Variants in SNTA1 observed in about 807,000 individuals in gnomAD.
SNTA1 encodes the protein alpha-1-syntrophin.
Under a neutral mutation model 47.1 loss-of-function variants are expected in SNTA1, and 31 were observed. The ratio of observed to expected loss-of-function variants is 0.66; its 90% CI spans 0.49 to 0.89. The LOEUF is 0.89. SNTA1 is among the 40% of genes least tolerant of loss of function. The pLI, the probability that SNTA1 is intolerant of heterozygous loss-of-function variation, is 0.00. For synonymous variants in SNTA1, 300 were observed against 313.6 expected (o/e 0.96, Z 0.46); for missense variants, 575 against 693.0 (o/e 0.83, Z 1.91).
rs535510488 is a variant in SNTA1 at position 33,432,738 on chromosome 20, G to A, written c.496+6103C>T. 1.1e-4 allele frequency among the ~76,000 whole-genome samples: 17 copies of A among 152,216 alleles called. No individual in the cohort carries two copies. The South Asian group carries it at 1.7e-3, about 15-fold the overall frequency. ...TTAGGCAGGTGTGGTAGCACATGCC[G>A]TCGTCCCAGCTACTTGAGAGGCTGA... On this transcript the variant is annotated intron_variant, in intron 2 of 7. Coordinates refer to ENST00000217381, the MANE Select transcript of SNTA1 (RefSeq NM_003098.3).
intron 3 of SNTA1, among the ~76,000 whole-genome samples, chr20:33,416,938 CAAAAAAAA>C (rs1161474406): frequency 2.7e-4 from 15 of 56,042 alleles, no homozygotes; most frequent in African/African-American, 8.7e-4. Flanking sequence ...GAGACTCTGT[CAAAAAAAA>C]AAAAAAAAAA....
rs1256947639 is a variant in SNTA1 at position 33,443,428 on chromosome 20, T to G, written c.193A>C (p.Asn65His). ...CCGGCGCCCGGCTCCGCGGCGCCGT[T>G]GAGCTGCGCGGGCTCCTGCTCCCGC... is the stretch of plus-strand genomic sequence containing the variant. ...APREQEPAQL[N>H]GAAEPGAGPP... The change falls in exon 1 of 8, where the codon AAC (asparagine) becomes CAC (histidine). Residue 65 changes from asparagine to histidine, a missense_variant. Coordinates refer to ENST00000217381, the MANE Select transcript of SNTA1 (RefSeq NM_003098.3). 4.5e-6 allele frequency: 6 copies of G among 1,340,380 alleles called. No homozygotes were observed. Among genetic ancestry groups the G allele is most frequent in the Non-Finnish European group, 5.7e-6 (6 of 1,051,378 alleles). The allele number at this position is 1,340,380 out of a possible 1,614,324, so 83.0% of individuals were successfully genotyped here.
At chr20:33,438,009 A>G (rs1195982940) in intron 2 of SNTA1, among the ~76,000 whole-genome samples, 1 of 152,184 alleles carries the variant, frequency 6.6e-6, no homozygotes, top group Non-Finnish European at 1.5e-5. Flanking sequence ...TACTCTATAA[A>G]AGCCAAGGCC....
intron 2 of SNTA1, 136 bp from the exon 3 acceptor site, chr20:33,418,059 T>C (rs1989923739): frequency 1.4e-5 from 9 of 635,166 alleles, no homozygotes. Flanking sequence ...AGTAGTGATA[T>C]TAACAAATTC....
Position 33,443,682 on chromosome 20 carries a change from G to A in SNTA1, c.-62C>T, listed in dbSNP as rs1990639431. 2 of 1,069,228 alleles carry A rather than the reference G, an allele frequency of 1.9e-6. No homozygotes were observed. The highest frequency in any genetic ancestry group is 4.3e-5 in the South Asian group (1 of 23,246). 66.2% of individuals were successfully genotyped at this position (1,069,228 alleles called of 1,614,324 possible). On this transcript the variant is annotated 5_prime_UTR_variant, in exon 1 of 8. Coordinates refer to ENST00000217381, the MANE Select transcript of SNTA1 (RefSeq NM_003098.3). ...TGTCCCGCTTTGCCCAGCCCGCTCC[G>A]ACCAAGCGCCCAGGGCAGAGGGCAG... is the stretch of plus-strand genomic sequence containing the variant.
At chr20:33,436,055 G>A (rs960006312) in intron 2 of SNTA1, among the ~76,000 whole-genome samples, 36 of 152,068 alleles carry the variant, frequency 2.4e-4, no homozygotes, top group African/African-American at 8.5e-4. Context: ...TTAGCCAGGC[G>A]TGGTGGCGGG....
chr20:33,418,851 G>A (rs1254394173), intron 2 of SNTA1, among the ~76,000 whole-genome samples: 5 of 145,710 alleles, frequency 3.4e-5, no homozygotes, highest in Non-Finnish European at 7.4e-5. Flanking sequence ...GGTGGCTCAT[G>A]CCTGTAATTC....
At position 33,443,645 on chromosome 20, in the gene SNTA1, C is replaced by G; in HGVS notation, c.-25G>C. ...TCTTCGCCTCCGAGCCCCCGGGCCG[C>G]CGCGCTCGCCCTGTCCCGCTTTGCC... is the stretch of plus-strand genomic sequence containing the variant. On this transcript the variant is annotated 5_prime_UTR_variant, in exon 1 of 8. Transcript: ENST00000217381. The G allele has an allele frequency of 8.4e-7, 1 of 1,188,422 alleles. No individual in the cohort carries two copies. The highest frequency in any genetic ancestry group is 1.0e-6 in the Non-Finnish European group (1 of 959,366). The allele number at this position is 1,188,422 out of a possible 1,614,324, so 73.6% of individuals were successfully genotyped here. A position where few individuals can be genotyped will look rare whatever the true frequency, so the allele number is the denominator to read the frequency against.
At position 33,423,509 on chromosome 20, in the gene SNTA1, T is replaced by G. The variant is rs549687763; in HGVS notation, c.497-5586A>C. 3.8e-4 allele frequency among the ~76,000 whole-genome samples: 58 copies of G among 152,278 alleles called. No homozygotes were observed. The Middle Eastern group carries it at 0.01, about 27-fold the overall frequency. On this transcript the variant is annotated intron_variant, in intron 2 of 7. Transcript: ENST00000217381. The stretch of plus-strand genomic sequence containing the variant: ...CCAAGCCCCTGGCCTGGGAGCCTGA[T>G]AAGCAGTGACACATGGGCCCTTCCT...
At chr20:33,409,021 C>T in intron 6 of SNTA1, 133 bp from the exon 7 acceptor site, 1 of 766,584 alleles carries the variant, frequency 1.3e-6, no homozygotes. Flanking sequence ...TTTGTCGTGG[C>T]ACCAGTACAC....
intron 2 of SNTA1, among the ~76,000 whole-genome samples, chr20:33,420,274 G>C (rs1442281868): frequency 1.3e-5 from 2 of 152,118 alleles, no homozygotes; most frequent in Admixed American, 6.6e-5. Flanking sequence ...TGGTGAAGCA[G>C]AAAGATGGAG....
chr20:33,440,123 T>C (rs1990543324), intron 1 of SNTA1, among the ~76,000 whole-genome samples: 2 of 149,612 alleles, frequency 1.3e-5, no homozygotes, highest in Admixed American at 6.7e-5. Flanking sequence ...GAAACTCTGC[T>C]CAAAAAAGTA....
Position 33,408,701 on chromosome 20 carries a change from G to T in SNTA1, c.1425C>A (p.Ile475=). 1 of 1,613,874 alleles carries T rather than the reference G, an allele frequency of 6.2e-7. No individual in the cohort carries two copies. Among genetic ancestry groups the T allele is most frequent in the Non-Finnish European group, 8.5e-7 (1 of 1,179,846 alleles). ...GGTGCAGAGGCAGCCCCTCACTCAC[G>T]ATCTCGCCTTCAGCACCTCCAAAAT... ...FLDFGGAEGE[I]QLDLHSCPKT... The change falls in exon 7 of 8, where the codon ATC becomes ATA. Residue 475 remains isoleucine (I), a splice_region_variant and synonymous_variant. Transcript: ENST00000217381.
chr20:33,426,122 G>T (rs570512557), intron 2 of SNTA1, among the ~76,000 whole-genome samples: 3 of 151,612 alleles, frequency 2.0e-5, no homozygotes, highest in African/African-American at 7.3e-5. Context: ...AGTAAAAATA[G>T]AAGTAAAATA....
intron 2 of SNTA1, among the ~76,000 whole-genome samples, chr20:33,428,056 A>C (rs1396202580): frequency 5.9e-5 from 9 of 152,094 alleles, no homozygotes. Flanking sequence ...TCAGGAGTAA[A>C]TAGGACTACA....
At chr20:33,427,407 G>A (rs1022112326) in intron 2 of SNTA1, among the ~76,000 whole-genome samples, 1 of 152,102 alleles carries the variant, frequency 6.6e-6, no homozygotes, top group African/African-American at 2.4e-5. Context: ...CCAGGATGGT[G>A]TGAAGAGGAC....
intron 6 of SNTA1, 98 bp downstream of exon 6, chr20:33,410,037 C>T: frequency 7.7e-7 from 1 of 1,292,436 alleles, no homozygotes; most frequent in Non-Finnish European, 1.1e-6. Flanking sequence ...ACCCCATTTT[C>T]TATCCCCTCC....
At chr20:33,434,913 A>G (rs1255547316) in intron 2 of SNTA1, among the ~76,000 whole-genome samples, 2 of 150,912 alleles carry the variant, frequency 1.3e-5, no homozygotes, top group African/African-American at 4.9e-5. Flanking sequence ...TGAGTCCCCT[A>G]GAAGGCAAGG....
chr20:33,425,378 G>A (rs1409416974), intron 2 of SNTA1, among the ~76,000 whole-genome samples: 1 of 152,090 alleles, frequency 6.6e-6, no homozygotes, highest in Non-Finnish European at 1.5e-5. Flanking sequence ...GTGGGTCTGG[G>A]GCCGGGCATG....
Sources: gnomAD v4.1 joint callset for allele counts (sites outside exome capture counted in the v4.1 genomes callset) on GRCh38, gnomAD v4.1.1 for gene constraint, MANE v1.5 for transcripts, NCBI Gene and HGNC (gene_info 2026-07-23, HGNC 2026-07-21) for gene names.